Variants in RNF17 observed in about 807,000 individuals in gnomAD.
The protein encoded by RNF17 is ring finger protein 17, also known as spermatogenesis associated 23.
A neutral mutation model predicts 200.5 loss-of-function variants in RNF17; 31 were observed. The ratio of observed to expected loss-of-function variants is 0.15; its 90% CI spans 0.12 to 0.21. The LOEUF (loss-of-function observed/expected upper bound fraction) is 0.21. Among genes scored for constraint, RNF17 ranks in the 10% least tolerant of loss-of-function variants. The pLI is 1.00. For synonymous variants in RNF17, 606 were observed against 637.8 expected, an observed-to-expected ratio of 0.95 and a Z score of 0.75; for missense variants, 1,628 against 1,905.1, an observed-to-expected ratio of 0.85 and a Z score of 2.71.
intron 28 of RNF17, among the ~76,000 whole-genome samples, chr13:24,863,796 T>C (rs1893345311): frequency 6.6e-6 from 1 of 152,236 alleles, no homozygotes; most frequent in African/African-American, 2.4e-5. Context: ...GCTTGTGGTA[T>C]AGCAAAGGCT....
upstream of RNF17, among the ~76,000 whole-genome samples, chr13:24,763,407 CAG>C (rs1442083484): frequency 6.1e-5 from 8 of 131,454 alleles, no homozygotes; most frequent in South Asian, 1.9e-3. Context: ...TTAGTAGAGA[CAG>C]GGTTTCACCA....
downstream of RNF17, chr13:24,883,221 C>G: frequency 1.2e-6 from 2 of 1,614,092 alleles, no homozygotes; most frequent in African/African-American, 1.3e-5. Flanking sequence ...TTGTCCTTAA[C>G]TCTTATCCGA....
chr13:24,792,125 T>C (rs1435165400), intron 9 of RNF17, among the ~76,000 whole-genome samples: 1 of 152,184 alleles, frequency 6.6e-6, no homozygotes, highest in Non-Finnish European at 1.5e-5. Context: ...AATATGTTCT[T>C]TTTGACATTT....
chr13:24,872,871 TGAAGGGGGACAGCCATGAA>T (rs1292118249), intron 32 of RNF17, among the ~76,000 whole-genome samples: 2 of 151,890 alleles, frequency 1.3e-5, no homozygotes, highest in African/African-American at 4.8e-5. Context: ...AAACTTTAGA[TGAAGGGGGACAGCCATGAA>T]CTAAATAGAG....
chr13:24,874,407 A>G (rs1894634703), intron 33 of RNF17, 158 bp downstream of exon 33: 1 of 516,926 alleles, frequency 1.9e-6, no homozygotes, highest in South Asian at 3.2e-5. Context: ...AAAATTTACC[A>G]TTGTAGCTTT....
chr13:24,813,895 C>T (rs1233310900), intron 15 of RNF17, among the ~76,000 whole-genome samples: 1 of 144,826 alleles, frequency 6.9e-6, no homozygotes, highest in African/African-American at 2.5e-5. Context: ...CTCCTGGTCC[C>T]AAACAGTCCT....
At chr13:24,793,377 G>T (rs755772112) in intron 10 of RNF17, 31 bp downstream of exon 10, 5 of 1,536,316 alleles carry the variant, frequency 3.3e-6, no homozygotes, top group Non-Finnish European at 4.4e-6. Context: ...AGAGGGGAAA[G>T]ATCTTGTATC....
At chr13:24,802,750 A>T (rs1477694050) in intron 14 of RNF17, among the ~76,000 whole-genome samples, 179 bp downstream of exon 14, 3 of 152,138 alleles carry the variant, frequency 2.0e-5, no homozygotes, top group Non-Finnish European at 4.4e-5. Context: ...GGATTCAGAT[A>T]ATTGGATTTA....
Position 24,776,530 on chromosome 13 carries a change from C to A in RNF17, c.317+1626C>A, listed in dbSNP as rs568209881. Among the ~76,000 whole-genome samples the A allele has an allele frequency of 2.8e-4, 42 of 152,276 alleles. 1 individual carries two copies. Among genetic ancestry groups the A allele is most frequent in the Admixed American group, 2.6e-3 (39 of 15,288 alleles). On this transcript the variant is annotated intron_variant, in intron 3 of 35. Transcript: ENST00000255324. ...CCAGTACTGCTCCCAACTCCTATAC[C>A]ACTGGTCACTTCCTCCATGAGATAT...
In RNF17 at chr13:24,841,959, C is replaced by G. The variant is rs534887759; in HGVS notation, c.2483-82C>G. ...CCAGCCTGGGCGACAGAGTGAGACT[C>G]TGTCTCCAAAAAAAAAAATTGCCTC... On this transcript the variant is annotated intron_variant, in intron 18 of 35. Coordinates refer to ENST00000255324, the MANE Select transcript of RNF17 (RefSeq NM_031277.3). 9.7e-6 allele frequency: 12 copies of G among 1,242,096 alleles called. No individual in the cohort carries two copies. In the South Asian group the frequency reaches 1.6e-4, roughly 16 times the overall value. 76.9% of individuals were successfully genotyped at this position (1,242,096 alleles called of 1,614,324 possible). A position where few individuals can be genotyped will look rare whatever the true frequency, so the allele number is the denominator to read the frequency against.
At chr13:24,787,324 C>CT (rs1883240638) in intron 6 of RNF17, among the ~76,000 whole-genome samples, 1 of 152,142 alleles carries the variant, frequency 6.6e-6, no homozygotes, top group African/African-American at 2.4e-5. Flanking sequence ...GCCTGTGCTT[C>CT]TTTGAGAACT....
intron 16 of RNF17, among the ~76,000 whole-genome samples, chr13:24,826,681 G>A (rs1468504999): frequency 1.3e-5 from 2 of 152,086 alleles, no homozygotes; most frequent in Middle Eastern, 3.2e-3. Context: ...GCTGAGGCAC[G>A]AGAATCACTT....
chr13:24,881,329 C>A (rs150217347), downstream of RNF17, among the ~76,000 whole-genome samples: 1 of 151,638 alleles, frequency 6.6e-6, no homozygotes, highest in Non-Finnish European at 1.5e-5. Context: ...TTAGTAGAGA[C>A]GGGGTTTCAT....
chr13:24,880,979 T>C (rs1267657076), downstream of RNF17, among the ~76,000 whole-genome samples: 2 of 152,214 alleles, frequency 1.3e-5, no homozygotes, highest in African/African-American at 4.8e-5. Context: ...TGTTTATTGC[T>C]TGTTCAAATA....
intron 2 of RNF17, among the ~76,000 whole-genome samples, chr13:24,768,287 C>CTT (rs34718905): frequency 0.24 from 32,262 of 136,182 alleles, 4,616 homozygotes; most frequent in Non-Finnish European, 0.3. Context: ...CTGTAAATTC[C>CTT]TTTTTTTTTT....
At chr13:24,749,307 C>CTTTCTTTCTTTCTTTTTT in the RNF17 span, among the ~76,000 whole-genome samples, 3 of 108,022 alleles carry the variant, frequency 2.8e-5, no homozygotes, top group Admixed American at 1.2e-4. Flanking sequence ...TTCTTTCTTT[C>CTTTCTTTCTTTCTTTTTT]TTTTTTTTTT....
chr13:24,837,020 G>A (rs1429108890), intron 18 of RNF17, among the ~76,000 whole-genome samples: 3 of 149,250 alleles, frequency 2.0e-5, no homozygotes, highest in Admixed American at 1.4e-4. Context: ...TTGAACTAAA[G>A]GGGTGGAAAA....
intron 1 of RNF17, 104 bp downstream of exon 1, chr13:24,764,437 C>T: frequency 1.4e-6 from 2 of 1,414,226 alleles, no homozygotes; most frequent in African/African-American, 1.4e-5. Context: ...GCATCCAATC[C>T]TGGTGTCACC....
chr13:24,786,939 A>G (rs1384211784), intron 6 of RNF17, among the ~76,000 whole-genome samples: 1 of 152,068 alleles, frequency 6.6e-6, no homozygotes, highest in East Asian at 1.9e-4. Context: ...TGTGATTCCT[A>G]TAATGCATAC....
Sources: gnomAD v4.1 joint callset for allele counts (sites outside exome capture counted in the v4.1 genomes callset) on GRCh38, gnomAD v4.1.1 for gene constraint, MANE v1.5 for transcripts, NCBI Gene and HGNC (gene_info 2026-07-23, HGNC 2026-07-21) for gene names.